The following ACACB variants were observed in gnomAD, a reference collection of about 807,000 sequenced individuals.
ACACB encodes the protein acetyl-CoA carboxylase 2.
In ACACB, 209 loss-of-function variants were observed where a neutral mutation model predicts 278.8. That is an observed-to-expected ratio of 0.75 (90% CI 0.67 to 0.84). The LOEUF (loss-of-function observed/expected upper bound fraction) is 0.84, where lower values mean the gene tolerates loss of function less well. ACACB is among the 40% of genes least tolerant of loss of function. The pLI is 0.00. For synonymous variants in ACACB, 1,174 were observed against 1,285.6 expected (o/e 0.91, Z 1.86); for missense variants, 2,850 against 3,269.0 (o/e 0.87, Z 3.13).
At chr12:109,179,010 G>A (rs1051952064) in intron 9 of ACACB, 78 bp from the exon 10 acceptor site, 6 of 1,379,090 alleles carry the variant, frequency 4.4e-6, no homozygotes, top group Non-Finnish European at 6.0e-6. Flanking sequence ...TTTGTTTTAT[G>A]TTCTCTCCTG....
At position 109,211,947 on chromosome 12, in the gene ACACB, G is replaced by A. The variant is rs148610206; in HGVS notation, c.3250-889G>A. On this transcript the variant is annotated intron_variant, in intron 21 of 52. Transcript: ENST00000338432. ...TTTTTGATGCCAAAGGCAATACACC[G>A]ATAACATTATGTGTAATGATAAAGA... Among the ~76,000 whole-genome samples, 204 of 152,158 alleles carry A rather than the reference G, an allele frequency of 1.3e-3. 1 individual carries two copies. Among genetic ancestry groups the A allele is most frequent in the African/African-American group, 4.6e-3 (190 of 41,516 alleles).
intron 15 of ACACB, among the ~76,000 whole-genome samples, chr12:109,192,187 G>A (rs774581032): frequency 3.3e-5 from 5 of 152,154 alleles, no homozygotes; most frequent in Non-Finnish European, 7.3e-5. Flanking sequence ...AGGCTGTTGT[G>A]TACGGATCCA....
chr12:109,122,737 G>T (rs911890213), intron 1 of ACACB, among the ~76,000 whole-genome samples: 2 of 151,004 alleles, frequency 1.3e-5, no homozygotes, highest in Admixed American at 6.6e-5. Context: ...AAGTTGACCT[G>T]TTTTTTTTTA....
intron 43 of ACACB, 93 bp downstream of exon 43, chr12:109,253,251 G>A (rs1459311396): frequency 1.5e-6 from 2 of 1,351,936 alleles, no homozygotes; most frequent in Admixed American, 2.4e-5. Context: ...TGGTGTGGGA[G>A]GCTGAGGAGC....
At chr12:109,198,589 A>AGG (rs1452574646) in intron 17 of ACACB, among the ~76,000 whole-genome samples, 1 of 151,758 alleles carries the variant, frequency 6.6e-6, no homozygotes, top group African/African-American at 2.4e-5. Context: ...CCAGCAATTT[A>AGG]GGGGGTTGTG....
At chr12:109,240,340 C>T (rs191062641) in intron 35 of ACACB, among the ~76,000 whole-genome samples, 1 of 151,994 alleles carries the variant, frequency 6.6e-6, no homozygotes, top group African/African-American at 2.4e-5. Context: ...TGTCAGGTGG[C>T]TCTTCACGAG....
intron 13 of ACACB, among the ~76,000 whole-genome samples, chr12:109,188,587 T>C (rs960210350): frequency 4.6e-5 from 7 of 151,250 alleles, no homozygotes; most frequent in Non-Finnish European, 8.8e-5. Context: ...CTTTAAGAAA[T>C]GAAACGGTCC....
chr12:109,138,612 C>T (rs1005414487), intron 1 of ACACB, among the ~76,000 whole-genome samples: 5 of 151,532 alleles, frequency 3.3e-5, no homozygotes, highest in Non-Finnish European at 7.4e-5. Context: ...CGGTGGGTCA[C>T]GTCTGTAATC....
chr12:109,171,698 T>G, intron 4 of ACACB, 107 bp from the exon 5 acceptor site: 1 of 819,958 alleles, frequency 1.2e-6, no homozygotes, highest in South Asian at 1.6e-5. Context: ...CATAGAAATC[T>G]GCATGGTTCT....
intron 22 of ACACB, among the ~76,000 whole-genome samples, chr12:109,213,225 G>A (rs1276203123): frequency 6.6e-6 from 1 of 152,150 alleles, no homozygotes; most frequent in Non-Finnish European, 1.5e-5. Context: ...CACCATGCCT[G>A]GCTAATTCTT....
intron 1 of ACACB, among the ~76,000 whole-genome samples, chr12:109,132,865 A>G (rs1244657572): frequency 1.3e-5 from 2 of 152,218 alleles, no homozygotes; most frequent in Admixed American, 1.3e-4. Flanking sequence ...AAGGATTTGC[A>G]GAGTGAGAGA....
intron 15 of ACACB, among the ~76,000 whole-genome samples, chr12:109,192,415 AT>A (rs2044926369): frequency 6.6e-6 from 1 of 151,976 alleles, no homozygotes; most frequent in Non-Finnish European, 1.5e-5. Context: ...CACCATTAAC[AT>A]TTTGTGCTGG....
rs773328074 is a variant in ACACB at position 109,193,636 on chromosome 12, C to G, written c.2400-12C>G. On this transcript the variant is annotated splice_polypyrimidine_tract_variant and intron_variant, in intron 15 of 52. Coordinates refer to ENST00000338432, the MANE Select transcript of ACACB (RefSeq NM_001093.4). ...CTCCCAAGGCTGACCACAACCCTGT[C>G]TTTTCTTTCAGGGGCCAGGTCCTCC... 1 of 1,609,220 alleles carries G rather than the reference C, an allele frequency of 6.2e-7. No homozygotes were observed. Among genetic ancestry groups the G allele is most frequent in the Non-Finnish European group, 8.5e-7 (1 of 1,175,612 alleles).
At chr12:109,140,288 T>A (rs140586238) in intron 2 of ACACB, among the ~76,000 whole-genome samples, 15,212 of 97,942 alleles carry the variant, frequency 0.16, 1,785 homozygotes, top group East Asian at 0.42. Context: ...CCTTCCTTCC[T>A]TCCTTCCTTC....
intron 34 of ACACB, among the ~76,000 whole-genome samples, chr12:109,237,927 G>A (rs758984063): frequency 7.9e-5 from 12 of 151,128 alleles, no homozygotes; most frequent in South Asian, 6.3e-4. Flanking sequence ...CATGAGAATC[G>A]CTTGAACCTG....
intron 3 of ACACB, among the ~76,000 whole-genome samples, chr12:109,167,639 A>T (rs113517281): frequency 6.0e-5 from 8 of 132,600 alleles, no homozygotes; most frequent in Admixed American, 2.3e-4. Flanking sequence ...ATATATATAT[A>T]TATATATATA....
At chr12:109,205,927 C>G (rs1312281516) in intron 19 of ACACB, among the ~76,000 whole-genome samples, 1 of 152,116 alleles carries the variant, frequency 6.6e-6, no homozygotes, top group Admixed American at 6.5e-5. Context: ...GACGAATGAG[C>G]ACATTTAGTC....
chr12:109,258,214 C>T, intron 45 of ACACB, 54 bp from the exon 46 acceptor site: 1 of 1,441,066 alleles, frequency 6.9e-7, no homozygotes. Context: ...CAGAGGTCCC[C>T]AAATGCACCT....
At chr12:109,241,917 G>A (rs2046810305) in intron 36 of ACACB, 1 of 155,858 alleles carries the variant, frequency 6.4e-6, no homozygotes, top group African/African-American at 2.4e-5. Context: ...CTCCCAAGTA[G>A]CTGGGACTAC....
Sources: allele counts gnomAD v4.1 joint callset (sites outside exome capture counted in the v4.1 genomes callset), GRCh38; gene constraint gnomAD v4.1.1; transcripts MANE v1.5; gene names NCBI Gene and HGNC (gene_info 2026-07-23, HGNC 2026-07-21).